HSD17B11: variants seen among roughly 807,000 people sequenced by gnomAD.
The protein encoded by HSD17B11 is hydroxysteroid 17-beta dehydrogenase 11.
HSD17B11 carries 22 observed loss-of-function variants against 27.8 expected under a neutral mutation model. The ratio of observed to expected loss-of-function variants is 0.79; its 90% CI spans 0.56 to 1.13. The LOEUF (loss-of-function observed/expected upper bound fraction) is 1.13. HSD17B11 is among the 50% of genes most tolerant of loss of function. The pLI, the probability that HSD17B11 is intolerant of heterozygous loss-of-function variation, is 0.00. For missense variants in HSD17B11, 314 were observed against 351.1 expected, an observed-to-expected ratio of 0.89 and a Z score of 0.84; for synonymous variants, 117 against 132.8, an observed-to-expected ratio of 0.88 and a Z score of 0.82.
chr4:87,368,912 A>T (rs376939220), intron 4 of HSD17B11, among the ~76,000 whole-genome samples: 4 of 152,324 alleles, frequency 2.6e-5, no homozygotes, highest in African/African-American at 9.6e-5. Context: ...TCAAGAAATA[A>T]CCATAAAAAT....
Position 87,354,027 on chromosome 4 carries a change from T to C in HSD17B11, c.695+3252A>G, listed in dbSNP as rs146729636. Among the ~76,000 whole-genome samples the C allele has an allele frequency of 9.6e-3, 1,465 of 152,298 alleles. 18 individuals carry two copies. Among genetic ancestry groups the C allele is most frequent in the African/African-American group, 0.033 (1,387 of 41,548 alleles). On this transcript the variant is annotated intron_variant, in intron 5 of 6. Transcript: ENST00000358290. ...TTAGGGTTCTCTTGTTTAATACTGA[T>C]AAATTTAAACATTGACCTCTAAAAT... is the stretch of plus-strand genomic sequence containing the variant.
At chr4:87,379,743 A>G (rs973322048) in intron 2 of HSD17B11, among the ~76,000 whole-genome samples, 2 of 141,710 alleles carry the variant, frequency 1.4e-5, no homozygotes, top group Non-Finnish European at 3.0e-5. Context: ...TTATTAGTAT[A>G]CTATAGTATA....
In HSD17B11 at chr4:87,336,725, G is replaced by A. The variant is rs1449443581; in HGVS notation, c.*551C>T. The A allele has an allele frequency of 1.3e-5, 2 of 153,316 alleles. No homozygotes were observed. The highest frequency in any genetic ancestry group is 4.8e-5 in the African/African-American group (2 of 41,432). The allele number at this position is 153,316 out of a possible 1,614,324, so 9.5% of individuals were successfully genotyped here. On this transcript the variant is annotated 3_prime_UTR_variant, in exon 7 of 7. Transcript: ENST00000358290. The stretch of plus-strand genomic sequence containing the variant: ...ACGTGTATCCACCTCTAGCTTCCCT[G>A]TGCAGAAATGTTTGGCATTGGAATG...
chr4:87,378,936 ATATATATATATT>A (rs1720043738), intron 2 of HSD17B11, among the ~76,000 whole-genome samples: 1 of 23,620 alleles, frequency 4.2e-5, no homozygotes, highest in Non-Finnish European at 7.0e-5. Context: ...ATAAATATAT[ATATATATATATT>A]TATATATATA....
In HSD17B11 at chr4:87,337,057, C is replaced by T; in HGVS notation, c.*219G>A. ...ATTTTGGTTCTTTTTCTTCATTTTC[C>T]TTAAAGTCACCTCTAAAGGTATTTC... On this transcript the variant is annotated 3_prime_UTR_variant, in exon 7 of 7. Coordinates refer to ENST00000358290, the MANE Select transcript of HSD17B11 (RefSeq NM_016245.5). The T allele has an allele frequency of 2.3e-6, 1 of 436,260 alleles. No individual in the cohort carries two copies. Among genetic ancestry groups the T allele is most frequent in the Non-Finnish European group, 4.0e-6 (1 of 248,886 alleles). The allele number at this position is 436,260 out of a possible 1,614,324, so 27.0% of individuals were successfully genotyped here. A position where few individuals can be genotyped will look rare whatever the true frequency, so the allele number is the denominator to read the frequency against.
intron 4 of HSD17B11, among the ~76,000 whole-genome samples, chr4:87,361,731 C>A (rs887444690): frequency 1.3e-5 from 2 of 152,206 alleles, no homozygotes; most frequent in African/African-American, 2.4e-5. Context: ...CGCGCCGCTG[C>A]ACTCCATCAT....
chr4:87,370,118 T>G (rs369312843), intron 4 of HSD17B11, among the ~76,000 whole-genome samples: 1 of 152,156 alleles, frequency 6.6e-6, no homozygotes. Context: ...AGGACAATGA[T>G]AGATGAGGGC....
At position 87,359,963 on chromosome 4, in the gene HSD17B11, ATACTC is replaced by A. The variant is rs1019451494; in HGVS notation, c.558-2552_558-2548del. Among the ~76,000 whole-genome samples the A allele has an allele frequency of 9.1e-4, 138 of 152,360 alleles. 2 individuals are homozygous for A. The highest frequency in any genetic ancestry group is 8.8e-3 in the Admixed American group (134 of 15,296). ...GCAACTTTTATAAAGGAATAAGACAATACTCTAATAGATAAATGGCTAAAGGGCAT... is the reference window on the plus strand; with the variant it reads ...GCAACTTTTATAAAGGAATAAGACAATAATAGATAAATGGCTAAAGGGCAT... On this transcript the variant is annotated intron_variant, in intron 4 of 6. Coordinates refer to ENST00000358290, the MANE Select transcript of HSD17B11 (RefSeq NM_016245.5).
intron 1 of HSD17B11, among the ~76,000 whole-genome samples, chr4:87,390,637 A>C (rs1403860352): frequency 1.3e-5 from 2 of 152,208 alleles, no homozygotes; most frequent in African/African-American, 4.8e-5. Flanking sequence ...AATGGGGATC[A>C]ATTTACAAAT....
In HSD17B11 at chr4:87,370,752, AT is replaced by A; in HGVS notation, c.557+1956del. On this transcript the variant is annotated intron_variant, in intron 4 of 6. Coordinates refer to ENST00000358290, the MANE Select transcript of HSD17B11 (RefSeq NM_016245.5). The stretch of plus-strand genomic sequence containing the variant: ...TATTATTATTATTATTATTATTATT[AT>A]TATTTTTTTTTTTTTTTGAGACGGA... Among the ~76,000 whole-genome samples the A allele has an allele frequency of 3.8e-5, 2 of 53,044 alleles. 1 individual carries two copies. Among genetic ancestry groups the A allele is most frequent in the Admixed American group, 3.4e-4 (2 of 5,894 alleles). The allele number at this position is 53,044 out of a possible 152,430, so 34.8% of individuals were successfully genotyped here.
chr4:87,373,203 G>C (rs1358061925), intron 3 of HSD17B11: 3 of 173,530 alleles, frequency 1.7e-5, no homozygotes, highest in African/African-American at 7.2e-5. Context: ...AGCTGGTCAT[G>C]GTGGCAGGTA....
intron 6 of HSD17B11, among the ~76,000 whole-genome samples, chr4:87,338,000 G>C (rs182200083): frequency 2.0e-5 from 3 of 152,122 alleles, no homozygotes; most frequent in Non-Finnish European, 2.9e-5. Context: ...GGTGGATCAC[G>C]AGGTCAGGAG....
Position 87,360,091 on chromosome 4 carries a change from C to T in HSD17B11, c.558-2675G>A, listed in dbSNP as rs376465418. Among the ~76,000 whole-genome samples, 9 of 151,918 alleles carry T rather than the reference C, an allele frequency of 5.9e-5. No homozygotes were observed. The East Asian group carries it at 9.7e-4, about 16-fold the overall frequency. ...CATATAAAAGCAAAGTAAAACAAGA[C>T]GGAATTCTTGCCTAGCAGTAATTAT... is the stretch of plus-strand genomic sequence containing the variant. On this transcript the variant is annotated intron_variant, in intron 4 of 6. Transcript: ENST00000358290.
chr4:87,343,137 C>T (rs924944388), intron 5 of HSD17B11, among the ~76,000 whole-genome samples: 4 of 152,106 alleles, frequency 2.6e-5, no homozygotes, highest in Admixed American at 6.6e-5. Context: ...CTAGTGTACC[C>T]GATTTCTTTA....
chr4:87,379,842 TTA>T (rs1471382665), intron 2 of HSD17B11, among the ~76,000 whole-genome samples: 1 of 61,824 alleles, frequency 1.6e-5, no homozygotes, highest in African/African-American at 1.3e-4. Flanking sequence ...TATTATACTA[TTA>T]TATATGTATA....
intron 1 of HSD17B11, among the ~76,000 whole-genome samples, chr4:87,387,554 A>G (rs1274124475): frequency 6.6e-6 from 1 of 152,116 alleles, no homozygotes; most frequent in African/African-American, 2.4e-5. Flanking sequence ...TCCTTTCCCA[A>G]TCAGGTTTAG....
chr4:87,340,146 C>T (rs1158209548), intron 6 of HSD17B11, among the ~76,000 whole-genome samples: 1 of 152,130 alleles, frequency 6.6e-6, no homozygotes, highest in Non-Finnish European at 1.5e-5. Flanking sequence ...AAATAAATAC[C>T]TAAAACCTAA....
chr4:87,378,830 AAAT>A (rs1720000017), intron 2 of HSD17B11, among the ~76,000 whole-genome samples: 1 of 30,062 alleles, frequency 3.3e-5, no homozygotes, highest in Non-Finnish European at 6.4e-5. Context: ...ATATATATAT[AAAT>A]ATATATATAT....
At chr4:87,383,356 G>A (rs141941895) in intron 1 of HSD17B11, among the ~76,000 whole-genome samples, 132 of 152,248 alleles carry the variant, frequency 8.7e-4, no homozygotes, top group East Asian at 2.7e-3. Context: ...GATTTTAGGG[G>A]TCAACACTGG....
Sources: gnomAD v4.1 joint callset for allele counts (sites outside exome capture counted in the v4.1 genomes callset) on GRCh38, gnomAD v4.1.1 for gene constraint, MANE v1.5 for transcripts, NCBI Gene and HGNC (gene_info 2026-07-23, HGNC 2026-07-21) for gene names.